The following NUP88 variants were observed in gnomAD, a reference collection of about 807,000 sequenced individuals.
NUP88 encodes nuclear pore complex protein Nup88.
Under a neutral mutation model 93.9 loss-of-function variants are expected in NUP88, and 57 were observed. The observed-to-expected ratio is 0.61, with a 90% CI of 0.49 to 0.76. NUP88 has a LOEUF of 0.76. Ranked by LOEUF, NUP88 falls within the 30% of genes least tolerant of loss-of-function variation. The pLI, the probability that NUP88 is intolerant of heterozygous loss-of-function variation, is 0.00. For synonymous variants in NUP88, 346 were observed against 336.8 expected, an observed-to-expected ratio of 1.03 and a Z score of -0.30; for missense variants, 911 against 901.0, an observed-to-expected ratio of 1.01 and a Z score of -0.14.
chr17:5,418,306 T>C (rs1403438202), intron 1 of NUP88: 2 of 152,218 alleles, frequency 1.3e-5, no homozygotes, highest in Non-Finnish European at 2.9e-5. Flanking sequence ...CAGGCTGTAG[T>C]GCAGGGGCGT....
chr17:5,419,563 C>T lies in NUP88; in HGVS notation c.88G>A (p.Gly30Arg). 6.2e-7 allele frequency: 1 copy of T among 1,610,620 alleles called. No individual in the cohort carries two copies. The highest frequency in any genetic ancestry group is 8.5e-7 in the Non-Finnish European group (1 of 1,177,486). The change falls in exon 1 of 17, where the codon GGA (glycine) becomes AGA (arginine). Residue 30 changes from glycine (G) to arginine (R), a missense_variant. Coordinates refer to ENST00000573584, the MANE Select transcript of NUP88 (RefSeq NM_002532.6). ...NHVVFLRLRE[G>R]LKNQSPTEAE... ...TCGGTTGGACTCTGGTTTTTCAGTC[C>T]CTCCCGGAGCCGCAAGAACACGACG... is the stretch of plus-strand genomic sequence containing the variant.
intron 8 of NUP88, among the ~76,000 whole-genome samples, chr17:5,396,125 C>T (rs150967006): frequency 0.12 from 18,760 of 151,956 alleles, 1,320 homozygotes; most frequent in East Asian, 0.23. Context: ...GCAGGTGAAT[C>T]GCTTGAACCC....
At chr17:5,405,273 A>C in intron 5 of NUP88, 30 bp from the exon 6 acceptor site, 1 of 1,588,410 alleles carries the variant, frequency 6.3e-7, no homozygotes, top group Non-Finnish European at 8.6e-7. Context: ...ATATTTGGGA[A>C]ATGTTGACAG....
chr17:5,399,791 G>C, intron 7 of NUP88, 141 bp from the exon 8 acceptor site: 1 of 477,516 alleles, frequency 2.1e-6, no homozygotes, highest in Non-Finnish European at 3.7e-6. Context: ...ATATTGTTAG[G>C]GGTTTTGAAA....
intron 14 of NUP88, 125 bp downstream of exon 14, chr17:5,387,260 AC>A: frequency 8.1e-7 from 1 of 1,235,778 alleles, no homozygotes; most frequent in Non-Finnish European, 1.2e-6. Flanking sequence ...CCCAACATAT[AC>A]TTCAGAGGAG....
chr17:5,415,330 G>T (rs117031972), intron 2 of NUP88, among the ~76,000 whole-genome samples: 2,428 of 152,094 alleles, frequency 0.016, 33 homozygotes, highest in Middle Eastern at 0.041. Flanking sequence ...CCAAATTATA[G>T]CATATTTCAT....
Position 5,416,685 on chromosome 17 carries a change from GA to G in NUP88, c.298-4del, listed in dbSNP as rs1305329564. ...GGTGGATTTATGCAAAGCAATCTCT[GA>G]AAATTAGAGCAAACCAGTCAACATA... On this transcript the variant is annotated splice_region_variant and splice_polypyrimidine_tract_variant and intron_variant, in intron 1 of 16. Transcript: ENST00000573584. 1.3e-5 allele frequency: 21 copies of G among 1,600,476 alleles called. No individual in the cohort carries two copies. The Admixed American group carries it at 3.6e-4, about 27-fold the overall frequency.
chr17:5,387,212 GC>G, intron 14 of NUP88, 102 bp from the exon 15 acceptor site: 1 of 1,403,698 alleles, frequency 7.1e-7, no homozygotes. Flanking sequence ...TCTGAAGTAG[GC>G]CCCATAGGAA....
At chr17:5,403,363 G>A (rs905712802) in intron 7 of NUP88, among the ~76,000 whole-genome samples, 4 of 152,188 alleles carry the variant, frequency 2.6e-5, no homozygotes, top group African/African-American at 9.7e-5. Context: ...TGTAGTCCCA[G>A]CTACTAGGGA....
At position 5,404,093 on chromosome 17, in the gene NUP88, G is replaced by A; in HGVS notation, c.1192+6C>T. The stretch of plus-strand genomic sequence containing the variant: ...AAAAAAGCACTACATTTATTGAAGA[G>A]CTTACCTCTATGAAGTTTGACTGGA... On this transcript the variant is annotated splice_donor_region_variant and intron_variant, in intron 7 of 16. Coordinates refer to ENST00000573584, the MANE Select transcript of NUP88 (RefSeq NM_002532.6). 1 of 1,613,412 alleles carries A rather than the reference G, an allele frequency of 6.2e-7. No homozygotes were observed. The highest frequency in any genetic ancestry group is 8.5e-7 in the Non-Finnish European group (1 of 1,179,462).
rs1466732430 is a variant in NUP88 at position 5,385,450 on chromosome 17, AG to A, written c.*755del. ...TGTGGCTTTTAATTGACAGTCACTC[AG>A]CCATTTCTAAGCAGATATAGTAGTA... On this transcript the variant is annotated 3_prime_UTR_variant, in exon 17 of 17. Coordinates refer to ENST00000573584, the MANE Select transcript of NUP88 (RefSeq NM_002532.6). 2.6e-5 allele frequency: 2 copies of A among 77,448 alleles called. No individual in the cohort carries two copies. Among genetic ancestry groups the A allele is most frequent in the East Asian group, 5.7e-4 (1 of 1,760 alleles). The allele number at this position is 77,448 out of a possible 1,614,324, so 4.8% of individuals were successfully genotyped here. A position where few individuals can be genotyped will look rare whatever the true frequency, so the allele number is the denominator to read the frequency against.
At chr17:5,405,792 G>A (rs1913456978) in intron 5 of NUP88, among the ~76,000 whole-genome samples, 1 of 152,136 alleles carries the variant, frequency 6.6e-6, no homozygotes, top group Non-Finnish European at 1.5e-5. Context: ...ATTCTTTCTT[G>A]TAGTTCTCTC....
chr17:5,391,659 C>G lies in NUP88; in HGVS notation c.1386G>C (p.Gln462His). 6.2e-7 allele frequency: 1 copy of G among 1,613,142 alleles called. No individual in the cohort carries two copies. The highest frequency in any genetic ancestry group is 8.5e-7 in the Non-Finnish European group (1 of 1,179,236). The change falls in exon 10 of 17, where the codon CAG (glutamine) becomes CAC (histidine). Residue 462 changes from glutamine (Q) to histidine (H), a missense_variant. Coordinates refer to ENST00000573584, the MANE Select transcript of NUP88 (RefSeq NM_002532.6). The part of the protein sequence containing the change: ...ILCTKPLPCR[Q>H]PAPIRGFWIV... ...TCCAAAATCCTCGAATTGGAGCTGGCTGCCTGGAAAAACACAGTCATAGTT... is the reference window on the plus strand; with the variant it reads ...TCCAAAATCCTCGAATTGGAGCTGGGTGCCTGGAAAAACACAGTCATAGTT...
intron 7 of NUP88, among the ~76,000 whole-genome samples, chr17:5,400,849 G>A (rs186693465): frequency 6.6e-6 from 1 of 152,270 alleles, no homozygotes; most frequent in East Asian, 1.9e-4. Flanking sequence ...CTTACAGATA[G>A]TTTCAAAGGT....
intron 2 of NUP88, among the ~76,000 whole-genome samples, chr17:5,416,180 T>TATACAC (rs1374990658): frequency 7.4e-4 from 79 of 107,336 alleles, no homozygotes; most frequent in African/African-American, 2.5e-3. Flanking sequence ...TATATATATA[T>TATACAC]ACACACATAC....
At chr17:5,400,067 A>G (rs1163576578) in intron 7 of NUP88, among the ~76,000 whole-genome samples, 1 of 116,234 alleles carries the variant, frequency 8.6e-6, no homozygotes, top group Non-Finnish European at 1.8e-5. Context: ...GCTGACACAG[A>G]GACAGCACGT....
At chr17:5,396,863 T>C (rs57406064) in intron 8 of NUP88, among the ~76,000 whole-genome samples, 66,320 of 151,896 alleles carry the variant, frequency 0.44, 15,223 homozygotes, top group East Asian at 0.84. Context: ...TTTTGTGGTA[T>C]CTTATTTCCA....
At chr17:5,388,655 T>C in intron 11 of NUP88, 147 bp downstream of exon 11, 1 of 676,096 alleles carries the variant, frequency 1.5e-6, no homozygotes, top group Non-Finnish European at 2.3e-6. Flanking sequence ...CTGCTCCCCA[T>C]TCACTAGCTG....
chr17:5,416,166 A>AGT (rs1914130642), intron 2 of NUP88, among the ~76,000 whole-genome samples: 1 of 57,990 alleles, frequency 1.7e-5, no homozygotes, highest in African/African-American at 6.8e-5. Context: ...AAAAAAAAAA[A>AGT]GTATATATAT....
Sources: gnomAD v4.1 joint callset for allele counts (sites outside exome capture counted in the v4.1 genomes callset) on GRCh38, gnomAD v4.1.1 for gene constraint, MANE v1.5 for transcripts, NCBI Gene and HGNC (gene_info 2026-07-23, HGNC 2026-07-21) for gene names.